The following INPP5K variants were observed in gnomAD, a reference collection of about 807,000 sequenced individuals.
INPP5K encodes inositol polyphosphate 5-phosphatase K.
In INPP5K, 35 loss-of-function variants were observed where a neutral mutation model predicts 53.5. The ratio of observed to expected loss-of-function variants is 0.65; its 90% CI spans 0.50 to 0.87. The LOEUF (loss-of-function observed/expected upper bound fraction) is 0.87. INPP5K is among the 40% of genes least tolerant of loss of function. The probability of loss-of-function intolerance (pLI) is 0.00; values close to 1 mark genes in which losing one functional copy is unlikely to be tolerated. For synonymous variants in INPP5K, 253 were observed against 232.8 expected (o/e 1.09, Z -0.79); for missense variants, 550 against 586.2 (o/e 0.94, Z 0.64).
At chr17:1,499,482 G>C (rs2074950124) in intron 7 of INPP5K, among the ~76,000 whole-genome samples, 2 of 152,058 alleles carry the variant, frequency 1.3e-5, no homozygotes, top group South Asian at 2.1e-4. Context: ...GACAGAGCAA[G>C]ACTCTATCTC....
rs1003316398 is a variant in INPP5K at position 1,516,355 on chromosome 17, G to A, written c.44+101C>T. The stretch of plus-strand genomic sequence containing the variant: ...AAGGCGAGAGCGCCTCTGAACCAAA[G>A]GCAGTCATGGAGGTCTGGTGCCTTG... On this transcript the variant is annotated intron_variant, in intron 1 of 11. Transcript: ENST00000421807. The A allele has an allele frequency of 1.5e-5, 19 of 1,290,920 alleles. No individual in the cohort carries two copies. The African/African-American group carries it at 2.3e-4, about 16-fold the overall frequency. The allele number at this position is 1,290,920 out of a possible 1,614,324, so 80.0% of individuals were successfully genotyped here.
chr17:1,496,773 C>T lies in INPP5K; in HGVS notation c.994G>A (p.Val332Ile), dbSNP rs145508886. The T allele has an allele frequency of 3.7e-5, 60 of 1,614,132 alleles. No homozygotes were observed. The African/African-American group carries it at 4.5e-4, about 12-fold the overall frequency. Reference sequence around the variant, plus strand: ...GTCCACAGGTCCTCGGGCATCAGGACGATCAGCGGAGCAGACACCAATGGC... The same window carrying T: ...GTCCACAGGTCCTCGGGCATCAGGATGATCAGCGGAGCAGACACCAATGGC... ...LKPLVSAPLI[V>I]LMPEDLWTVE... is the part of the protein sequence containing the mutation. Residue 332 changes from valine (V) to isoleucine (I), a missense_variant, in exon 9 of 12, where the codon GTC becomes ATC. Coordinates refer to ENST00000421807, the MANE Select transcript of INPP5K (RefSeq NM_016532.4).
intron 5 of INPP5K, chr17:1,508,491 C>T (rs907788904): frequency 2.5e-5 from 11 of 445,598 alleles, no homozygotes; most frequent in South Asian, 1.4e-4. Flanking sequence ...TAACTGGTCA[C>T]GAGGAAAGGC....
In INPP5K at chr17:1,497,944, C is replaced by T. The variant is rs201301299; in HGVS notation, c.955G>A (p.Asp319Asn). The T allele has an allele frequency of 5.6e-6, 9 of 1,611,866 alleles. No individual in the cohort carries two copies. The highest frequency in any genetic ancestry group is 1.7e-4 in the Middle Eastern group (1 of 6,052). The part of the protein sequence containing the change: ...SDHKPVSGTF[D>N]LELKPLVSAP... ...GCAGCCCAGAAGTTCACCTCCAAGT[C>T]GAACGTGCCGGAGACAGGCTTGTGG... The change falls in exon 8 of 12, where the codon GAC (aspartate) becomes AAC (asparagine). Residue 319 changes from aspartate to asparagine, a missense_variant. By Grantham distance (23) the Asp-to-Asn change is conservative. Coordinates refer to ENST00000421807, the MANE Select transcript of INPP5K (RefSeq NM_016532.4).
chr17:1,498,103 C>A lies in INPP5K; in HGVS notation c.796G>T (p.Ala266Ser), dbSNP rs1190011660. The change falls in exon 8 of 12, where the codon GCA becomes TCA. Residue 266 changes from alanine (A) to serine (S), a missense_variant. Coordinates refer to ENST00000421807, the MANE Select transcript of INPP5K (RefSeq NM_016532.4). Reference protein sequence around the residue: ...YDTSEKKRKPAWTDRILWRLK... With the variant: ...YDTSEKKRKPSWTDRILWRLK... ...CTCCACAGGATGCGATCGGTCCATG[C>A]AGGCTTGCGTTTTTTCTCACTGCAG... The A allele has an allele frequency of 6.2e-7, 1 of 1,606,268 alleles. No individual in the cohort carries two copies. Among genetic ancestry groups the A allele is most frequent in the East Asian group, 2.2e-5 (1 of 44,664 alleles).
intron 3 of INPP5K, among the ~76,000 whole-genome samples, chr17:1,511,214 G>T (rs979925876): frequency 4.7e-4 from 72 of 152,308 alleles, no homozygotes; most frequent in African/African-American, 1.6e-3. Flanking sequence ...AAGCCTGTAA[G>T]GAATCACCGT....
chr17:1,496,297 G>A (rs969750985), intron 10 of INPP5K, 22 bp downstream of exon 10: 51 of 1,551,466 alleles, frequency 3.3e-5, no homozygotes, highest in Non-Finnish European at 4.2e-5. Context: ...TGCTGGTGAT[G>A]TACCTGGTGC....
intron 1 of INPP5K, chr17:1,515,789 AG>A: frequency 1.5e-6 from 1 of 678,250 alleles, no homozygotes; most frequent in Non-Finnish European, 1.8e-6. Context: ...ACTCGGCCTG[AG>A]ATTTTGAGCT....
chr17:1,512,665 C>A (rs896726710), intron 3 of INPP5K, among the ~76,000 whole-genome samples: 1 of 152,106 alleles, frequency 6.6e-6, no homozygotes, highest in African/African-American at 2.4e-5. Context: ...GATCTGGCAA[C>A]CCAGGGCCTT....
At chr17:1,495,976 G>A (rs768897123) in intron 11 of INPP5K, 84 bp downstream of exon 11, 123 of 1,412,804 alleles carry the variant, frequency 8.7e-5, no homozygotes, top group Middle Eastern at 5.3e-4. Flanking sequence ...CTCATGTACC[G>A]GCTGGCTCCC....
At chr17:1,501,977 G>A (rs2075027580) in intron 7 of INPP5K, among the ~76,000 whole-genome samples, 1 of 151,756 alleles carries the variant, frequency 6.6e-6, no homozygotes. Flanking sequence ...GGAGGTTTCA[G>A]TGAGCCAAGA....
Position 1,509,372 on chromosome 17 carries a change from A to T in INPP5K, c.379-19T>A. On this transcript the variant is annotated intron_variant, in intron 4 of 11. Coordinates refer to ENST00000421807, the MANE Select transcript of INPP5K (RefSeq NM_016532.4). ...TGTTCCCCTGGTAGAACAGGTCAAC[A>T]GAAGAGTGGGAAGCTACTCGGGTTG... is the stretch of plus-strand genomic sequence containing the variant. 9 of 1,606,928 alleles carry T rather than the reference A, an allele frequency of 5.6e-6. No homozygotes were observed. The highest frequency in any genetic ancestry group is 7.7e-6 in the Non-Finnish European group (9 of 1,175,274).
chr17:1,500,872 C>CA (rs376881238), intron 7 of INPP5K, among the ~76,000 whole-genome samples: 4 of 151,698 alleles, frequency 2.6e-5, no homozygotes, highest in African/African-American at 7.2e-5. Context: ...GCTCGTCCCT[C>CA]AAAAATGTCC....
chr17:1,497,173 C>T (rs540046218), intron 8 of INPP5K, among the ~76,000 whole-genome samples: 4 of 152,338 alleles, frequency 2.6e-5, no homozygotes, highest in African/African-American at 9.6e-5. Flanking sequence ...CAGCTGTGAA[C>T]GTGCAAGAAC....
At chr17:1,514,007 T>C in intron 1 of INPP5K, 28 bp from the exon 2 acceptor site, 3 of 1,524,882 alleles carry the variant, frequency 2.0e-6, no homozygotes, top group Non-Finnish European at 2.7e-6. Context: ...AGGGAAGTCA[T>C]GGAGGAAGGA....
In INPP5K at chr17:1,496,387, C is replaced by T. The variant is rs1219555345; in HGVS notation, c.1117G>A (p.Val373Ile). ...IGLYKVGLRD[V>I]NDYVSYAWVG... Reference sequence around the variant, plus strand: ...CAGGCATAGGACACGTAGTCATTAACGTCCCGCAGCCCCACCTGTGAGGGG... The same window carrying T: ...CAGGCATAGGACACGTAGTCATTAATGTCCCGCAGCCCCACCTGTGAGGGG... The change falls in exon 10 of 12, where the codon GTT (valine) becomes ATT (isoleucine). Residue 373 changes from valine to isoleucine, a missense_variant. By Grantham distance (29) the Val-to-Ile change is conservative (BLOSUM62 3). Transcript: ENST00000421807. 7.0e-6 allele frequency: 11 copies of T among 1,561,382 alleles called. No individual in the cohort carries two copies. The highest frequency in any genetic ancestry group is 1.9e-5 in the Admixed American group (1 of 51,916).
At position 1,506,352 on chromosome 17, in the gene INPP5K, G is replaced by A. The variant is rs992484704; in HGVS notation, c.776+628C>T. 3.9e-5 allele frequency among the ~76,000 whole-genome samples: 6 copies of A among 152,264 alleles called. No individual in the cohort carries two copies. The South Asian group carries it at 6.2e-4, about 16-fold the overall frequency. On this transcript the variant is annotated intron_variant, in intron 7 of 11. Transcript: ENST00000421807. ...CATGAATCGAAAAGTCACAATAGCC[G>A]TTCTCTCCCATGGTTACTGGGTGAC...
chr17:1,509,358 T>TAG lies in INPP5K; in HGVS notation c.379-7_379-6dup. The stretch of plus-strand genomic sequence containing the variant: ...GTTGACTCCACCTTTGTTCCCCTGG[T>TAG]AGAACAGGTCAACAGAAGAGTGGGA... On this transcript the variant is annotated splice_region_variant and splice_polypyrimidine_tract_variant and intron_variant, in intron 4 of 11. Coordinates refer to ENST00000421807, the MANE Select transcript of INPP5K (RefSeq NM_016532.4). 2 of 1,611,524 alleles carry TAG rather than the reference T, an allele frequency of 1.2e-6. No homozygotes were observed. The highest frequency in any genetic ancestry group is 1.3e-5 in the African/African-American group (1 of 74,990).
intron 7 of INPP5K, among the ~76,000 whole-genome samples, chr17:1,501,182 A>ACTC (rs1333981412): frequency 1.3e-5 from 2 of 149,620 alleles, no homozygotes; most frequent in Non-Finnish European, 3.0e-5. Flanking sequence ...CTGGTCTTGA[A>ACTC]CTCCTGACCT....
Sources: gnomAD v4.1 joint callset for allele counts (sites outside exome capture counted in the v4.1 genomes callset) on GRCh38, gnomAD v4.1.1 for gene constraint, MANE v1.5 for transcripts, NCBI Gene and HGNC (gene_info 2026-07-23, HGNC 2026-07-21) for gene names.